Variants in CDH13 observed in about 807,000 individuals in gnomAD.
The protein encoded by CDH13 is cadherin 13.
CDH13 carries 24 observed loss-of-function variants against 63.8 expected under a neutral mutation model. The ratio of observed to expected loss-of-function variants is 0.38; its 90% confidence interval spans 0.27 to 0.53. The LOEUF (loss-of-function observed/expected upper bound fraction) is 0.53, where lower values mean the gene tolerates loss of function less well. Among genes scored for constraint, CDH13 ranks in the 20% least tolerant of loss-of-function variants. CDH13 has a pLI of 0.85. For synonymous variants in CDH13, 503 were observed against 355.3 expected (o/e 1.42, Z -4.67); for missense variants, 1,049 against 903.1 (o/e 1.16, Z -2.07).
At chr16:83,053,997 T>C (rs965841017) in intron 3 of CDH13, among the ~76,000 whole-genome samples, 2 of 152,234 alleles carry the variant, frequency 1.3e-5, no homozygotes, top group African/African-American at 4.8e-5. Context: ...CTGTACTTTT[T>C]GTGTTTAGAT....
chr16:83,740,288 C>G (rs3784971), intron 10 of CDH13, among the ~76,000 whole-genome samples: 1 of 151,386 alleles, frequency 6.6e-6, no homozygotes, highest in Non-Finnish European at 1.5e-5. Flanking sequence ...GGGTTTTAAG[C>G]CGGGGATTCA....
rs190960375 is a variant in CDH13 at position 83,264,787 on chromosome 16, A to G, written c.636+47290A>G. Among the ~76,000 whole-genome samples, 12 of 152,018 alleles carry G rather than the reference A, an allele frequency of 7.9e-5. 1 individual carries two copies. The highest frequency in any genetic ancestry group is 7.9e-4 in the Admixed American group (12 of 15,268). ...GGCATTTGTGTATGCATTTCTCAAT[A>G]CATAATTATACTATCATCATACTAT... is the stretch of plus-strand genomic sequence containing the variant. On this transcript the variant is annotated intron_variant, in intron 5 of 13. Transcript: ENST00000567109.
intron 3 of CDH13, among the ~76,000 whole-genome samples, chr16:83,113,429 T>C (rs1293264545): frequency 2.6e-5 from 4 of 152,266 alleles, no homozygotes; most frequent in Admixed American, 6.5e-5. Context: ...TCATAATTGC[T>C]TTATTTAGTA....
chr16:82,927,745 G>A (rs187236225), intron 2 of CDH13, among the ~76,000 whole-genome samples: 2 of 152,274 alleles, frequency 1.3e-5, no homozygotes, highest in East Asian at 3.9e-4. Context: ...AAGGAACCAT[G>A]CCTGTGTTAC....
intron 5 of CDH13, among the ~76,000 whole-genome samples, chr16:83,303,528 T>G (rs2089799566): frequency 6.6e-6 from 1 of 152,174 alleles, no homozygotes; most frequent in African/African-American, 2.4e-5. Flanking sequence ...GGTGTGATGT[T>G]TAATTTCCAG....
chr16:82,734,772 T>C (rs189822656), intron 1 of CDH13, among the ~76,000 whole-genome samples: 73 of 152,304 alleles, frequency 4.8e-4, no homozygotes, highest in Non-Finnish European at 4.3e-4. Flanking sequence ...TACTCCAGTG[T>C]TGATCGGTCA....
At chr16:82,957,824 A>G (rs1376998135) in intron 2 of CDH13, among the ~76,000 whole-genome samples, 1 of 152,260 alleles carries the variant, frequency 6.6e-6, no homozygotes, top group Non-Finnish European at 1.5e-5. Flanking sequence ...TAGTATAACT[A>G]TAATGAATAT....
intron 7 of CDH13, among the ~76,000 whole-genome samples, chr16:83,487,122 C>A (rs142354122): frequency 1.3e-5 from 2 of 152,168 alleles, no homozygotes; most frequent in African/African-American, 4.8e-5. Flanking sequence ...CCTTGAACCC[C>A]TCTCTTCCTC....
chr16:82,868,598 G>C (rs186841215), intron 2 of CDH13, among the ~76,000 whole-genome samples: 5 of 152,306 alleles, frequency 3.3e-5, no homozygotes, highest in African/African-American at 1.2e-4. Context: ...CGAGGAACAT[G>C]AACACAGGTG....
At chr16:83,472,759 C>A (rs1177922206) in intron 6 of CDH13, among the ~76,000 whole-genome samples, 1 of 152,174 alleles carries the variant, frequency 6.6e-6, no homozygotes, top group Non-Finnish European at 1.5e-5. Flanking sequence ...ACAGAGTGTG[C>A]CAGAAGCTAC....
intron 2 of CDH13, among the ~76,000 whole-genome samples, chr16:83,026,371 G>A (rs1257098462): frequency 6.6e-6 from 1 of 152,176 alleles, no homozygotes; most frequent in Non-Finnish European, 1.5e-5. Flanking sequence ...GAGCTAGTCA[G>A]TCAATCTCTC....
At chr16:83,323,717 A>G (rs945912413) in intron 5 of CDH13, among the ~76,000 whole-genome samples, 2 of 152,216 alleles carry the variant, frequency 1.3e-5, no homozygotes, top group Non-Finnish European at 2.9e-5. Context: ...ACTATTCCAT[A>G]CAAAAAGTGA....
intron 6 of CDH13, among the ~76,000 whole-genome samples, chr16:83,371,842 A>G (rs572165091): frequency 2.9e-4 from 44 of 152,348 alleles, no homozygotes; most frequent in African/African-American, 1.0e-3. Flanking sequence ...TTAGTTGTCT[A>G]CATTGCAGAA....
chr16:83,218,758 C>A (rs1169293748), intron 5 of CDH13, among the ~76,000 whole-genome samples: 2 of 152,150 alleles, frequency 1.3e-5, no homozygotes, highest in Non-Finnish European at 2.9e-5. Context: ...TCTCCCCAAT[C>A]TCATCTTGAA....
intron 2 of CDH13, among the ~76,000 whole-genome samples, chr16:82,949,930 T>C (rs904268899): frequency 1.3e-5 from 2 of 152,086 alleles, no homozygotes; most frequent in Admixed American, 1.3e-4. Flanking sequence ...TTCACTGTGG[T>C]TTACTTGGGG....
At chr16:83,032,415 C>T in intron 3 of CDH13, 197 bp downstream of exon 3, 3 of 575,156 alleles carry the variant, frequency 5.2e-6, no homozygotes, top group Non-Finnish European at 9.3e-6. Flanking sequence ...CTAATTGAGG[C>T]ATAGTTCGTG....
At chr16:82,856,938 C>T (rs1473470814) in intron 1 of CDH13, among the ~76,000 whole-genome samples, 1 of 152,048 alleles carries the variant, frequency 6.6e-6, no homozygotes, top group Non-Finnish European at 1.5e-5. Context: ...ATACCATTCC[C>T]CATCAGTTAT....
chr16:83,197,167 A>G (rs1567498138), intron 4 of CDH13, among the ~76,000 whole-genome samples: 1 of 152,182 alleles, frequency 6.6e-6, no homozygotes, highest in Non-Finnish European at 1.5e-5. Context: ...ATTATGCTGA[A>G]TGAAAATGCT....
intron 5 of CDH13, among the ~76,000 whole-genome samples, chr16:83,315,723 A>G (rs919111644): frequency 6.6e-5 from 10 of 151,270 alleles, no homozygotes; most frequent in African/African-American, 2.4e-4. Flanking sequence ...AGTCATCGGG[A>G]TCTTGCATGA....
Sources: gnomAD v4.1 joint callset for allele counts (sites outside exome capture counted in the v4.1 genomes callset) on GRCh38, gnomAD v4.1.1 for gene constraint, MANE v1.5 for transcripts, NCBI Gene and HGNC (gene_info 2026-07-23, HGNC 2026-07-21) for gene names.